Variants in TRPV1 observed in about 807,000 individuals in gnomAD.
TRPV1 encodes the protein OTRPC1.
Under a neutral mutation model 82.3 loss-of-function variants are expected in TRPV1, and 82 were observed. The ratio of observed to expected loss-of-function variants is 1.00; its 90% CI spans 0.83 to 1.20. The LOEUF (loss-of-function observed/expected upper bound fraction) is 1.20, where lower values mean the gene tolerates loss of function less well. Among genes scored for constraint, TRPV1 ranks in the 50% most tolerant of loss-of-function variants. The pLI is 0.00. For synonymous variants in TRPV1, 515 were observed against 467.7 expected, an observed-to-expected ratio of 1.10 and a Z score of -1.30; for missense variants, 1,067 against 1,096.8, an observed-to-expected ratio of 0.97 and a Z score of 0.38.
chr17:3,568,526 A>T (rs936412969), intron 16 of TRPV1, among the ~76,000 whole-genome samples: 2 of 152,122 alleles, frequency 1.3e-5, no homozygotes, highest in Non-Finnish European at 2.9e-5. Flanking sequence ...AAACCAATGG[A>T]ACCCTCGAGC....
intron 10 of TRPV1, among the ~76,000 whole-genome samples, chr17:3,582,115 A>G (rs224530): frequency 0.27 from 36,747 of 138,370 alleles, 5,217 homozygotes; most frequent in Non-Finnish European, 0.32. Context: ...GCGTGAACCC[A>G]GGAGGCGGAG....
At chr17:3,605,442 T>C (rs1329509065) in intron 2 of TRPV1, among the ~76,000 whole-genome samples, 1 of 151,566 alleles carries the variant, frequency 6.6e-6, no homozygotes, top group African/African-American at 2.4e-5. Context: ...CCCGGGAGGC[T>C]GAGGTTGTAG....
rs1271310941 is a variant in TRPV1, at chr17:3,588,252, C to A, written c.1160G>T (p.Cys387Phe). The A allele has an allele frequency of 1.3e-6, 2 of 1,582,542 alleles. No individual in the cohort carries two copies. The highest frequency in any genetic ancestry group is 1.7e-6 in the Non-Finnish European group (2 of 1,165,014). ...PVHSSLYDLS[C>F]IDTCEKNSVL... ...CGAGTTCTTCTCGCAGGTGTCGATG[C>A]AGGACAGGTCGTACAGCGAGGAGTG... Residue 387 changes from cysteine to phenylalanine, a missense_variant, in exon 8 of 17, where the codon TGC becomes TTC. Coordinates refer to ENST00000572705, the MANE Select transcript of TRPV1 (RefSeq NM_080704.4).
At chr17:3,592,013 C>T in intron 3 of TRPV1, 54 bp downstream of exon 3, 1 of 1,577,428 alleles carries the variant, frequency 6.3e-7, no homozygotes, top group Middle Eastern at 2.1e-4. Flanking sequence ...CCTGTGGCAT[C>T]TCCATGGCCA....
In TRPV1 at chr17:3,572,234, G is replaced by A; in HGVS notation, c.2119C>T (p.Leu707=). Residue 707 remains leucine (L), a synonymous_variant, in exon 15 of 17, where the codon CTG becomes TTG. Coordinates refer to ENST00000572705, the MANE Select transcript of TRPV1 (RefSeq NM_080704.4). ...TTAAGGAAGCTCTTCTCCGTGTCCA[G>A]GATGGTGATGGCTCTCTGCAGGAAG... ...IWKLQRAITI[L]DTEKSFLKCM... 1.2e-6 allele frequency: 2 copies of A among 1,609,370 alleles called. No homozygotes were observed. The highest frequency in any genetic ancestry group is 1.7e-6 in the Non-Finnish European group (2 of 1,177,974).
chr17:3,581,406 C>T (rs1279436808), intron 10 of TRPV1, among the ~76,000 whole-genome samples: 2 of 152,198 alleles, frequency 1.3e-5, no homozygotes, highest in East Asian at 3.8e-4. Flanking sequence ...GCCAATCCTG[C>T]TTTTGCCATT....
Position 3,591,136 on chromosome 17 carries a change from G to A in TRPV1, c.452-20C>T, listed in dbSNP as rs1169791936. 42 of 1,610,728 alleles carry A rather than the reference G, an allele frequency of 2.6e-5. No individual in the cohort carries two copies. Among genetic ancestry groups the A allele is most frequent in the Non-Finnish European group, 3.5e-5 (41 of 1,178,678 alleles). On this transcript the variant is annotated intron_variant, in intron 4 of 16. Coordinates refer to ENST00000572705, the MANE Select transcript of TRPV1 (RefSeq NM_080704.4). ...CAGGGTCTGAAAGACATAAGGGAGG[G>A]TCAGGGCAGGCCAGGGCTGGGGCCC...
chr17:3,596,346 G>A (rs571709521), intron 2 of TRPV1, among the ~76,000 whole-genome samples: 48 of 152,274 alleles, frequency 3.2e-4, no homozygotes, highest in Admixed American at 1.2e-3. Context: ...CCTCCCGCTC[G>A]CCACTGGGGA....
chr17:3,574,594 C>T (rs377101436), intron 13 of TRPV1, among the ~76,000 whole-genome samples: 2 of 152,288 alleles, frequency 1.3e-5, no homozygotes, highest in Non-Finnish European at 2.9e-5. Flanking sequence ...GGAGGGTGCA[C>T]CATGTGAACC....
At chr17:3,593,745 C>T (rs893348567) in intron 2 of TRPV1, among the ~76,000 whole-genome samples, 2 of 152,160 alleles carry the variant, frequency 1.3e-5, no homozygotes, top group Admixed American at 1.3e-4. Context: ...TGTGGTCCAG[C>T]AATTGCTATC....
At position 3,599,632 on chromosome 17, in the gene TRPV1, C is replaced by CTTTTTTT. The variant is rs34701684; in HGVS notation, c.-33-7256_-33-7250dup. On this transcript the variant is annotated intron_variant, in intron 2 of 16. Transcript: ENST00000572705. Reference sequence around the variant, plus strand: ...TAAGAGAATTTCCTTTTTTTCTTTTCTTTTTTTTTTTTTCGAGATGAAGTC... The same window carrying CTTTTTTT: ...TAAGAGAATTTCCTTTTTTTCTTTTCTTTTTTTTTTTTTTTTTTTTCGAGATGAAGTC... Among the ~76,000 whole-genome samples, 115 of 141,550 alleles carry CTTTTTTT rather than the reference C, an allele frequency of 8.1e-4. 5 individuals are homozygous for CTTTTTTT. The East Asian group carries it at 0.018, about 22-fold the overall frequency. The allele number at this position is 141,550 out of a possible 152,430, so 92.9% of individuals were successfully genotyped here. A position where few individuals can be genotyped will look rare whatever the true frequency, so the allele number is the denominator to read the frequency against.
intron 2 of TRPV1, among the ~76,000 whole-genome samples, chr17:3,593,083 T>A (rs112383946): frequency 8.0e-4 from 1 of 1,252 alleles, no homozygotes; most frequent in Non-Finnish European, 2.1e-3. Flanking sequence ...TGTTTAGGCG[T>A]GTGTGTGTGT....
At chr17:3,585,589 G>A in intron 9 of TRPV1, 179 bp downstream of exon 9, 1 of 726,504 alleles carries the variant, frequency 1.4e-6, no homozygotes, top group Non-Finnish European at 2.2e-6. Flanking sequence ...ACAGCCTGAG[G>A]CAGGGGAGAT....
At chr17:3,594,151 A>AAAAAAAAAAAAAGC (rs2075195495) in intron 2 of TRPV1, among the ~76,000 whole-genome samples, 1 of 104,400 alleles carries the variant, frequency 9.6e-6, no homozygotes, top group African/African-American at 4.0e-5. Flanking sequence ...AAAAAAAAAA[A>AAAAAAAAAAAAAGC]AGAAGCAGCA....
At chr17:3,607,827 A>C (rs1370817439) in intron 2 of TRPV1, among the ~76,000 whole-genome samples, 1 of 151,968 alleles carries the variant, frequency 6.6e-6, no homozygotes, top group Admixed American at 6.6e-5. Flanking sequence ...GTGAGCCCCC[A>C]CACCCAGCCA....
Position 3,568,191 on chromosome 17 carries a change from G to A in TRPV1, c.2348-1204C>T, listed in dbSNP as rs566354269. Among the ~76,000 whole-genome samples, 38 of 151,638 alleles carry A rather than the reference G, an allele frequency of 2.5e-4. No individual in the cohort carries two copies. In the South Asian group the frequency reaches 3.5e-3, roughly 14 times the overall value. On this transcript the variant is annotated intron_variant, in intron 16 of 16. Coordinates refer to ENST00000572705, the MANE Select transcript of TRPV1 (RefSeq NM_080704.4). ...CAAAAAATTAGCCGGGCGTAGTGGCGGGCGCCTGTAGTCCCAGCTACTCGG... is the reference window on the plus strand; with the variant it reads ...CAAAAAATTAGCCGGGCGTAGTGGCAGGCGCCTGTAGTCCCAGCTACTCGG...
At chr17:3,594,954 C>T (rs1454025594) in intron 2 of TRPV1, among the ~76,000 whole-genome samples, 4 of 152,068 alleles carry the variant, frequency 2.6e-5, no homozygotes, top group African/African-American at 9.7e-5. Context: ...GACAGGAGGC[C>T]GGGTTAGAAC....
chr17:3,601,287 C>A (rs1199651294), intron 2 of TRPV1, among the ~76,000 whole-genome samples: 1 of 152,066 alleles, frequency 6.6e-6, no homozygotes, highest in Non-Finnish European at 1.5e-5. Context: ...CTCCCACAAC[C>A]CCTCACCTCC....
Position 3,572,139 on chromosome 17 carries a change from G to A in TRPV1, c.2214C>T (p.Asp738=). The A allele has an allele frequency of 6.2e-7, 1 of 1,613,588 alleles. No individual in the cohort carries two copies. The highest frequency in any genetic ancestry group is 8.5e-7 in the Non-Finnish European group (1 of 1,179,660). The change falls in exon 15 of 17, where the codon GAC becomes GAT. Residue 738 remains aspartate (D), a synonymous_variant. Transcript: ENST00000572705. ...GGCATTACCTGAAGCACCACCGGTA[G>A]TCGTCCTTGCCATCAGGTGTGTACC... ...QVGYTPDGKD[D]YRWCFRVDEV...
Sources: allele counts gnomAD v4.1 joint callset (sites outside exome capture counted in the v4.1 genomes callset), GRCh38; gene constraint gnomAD v4.1.1; transcripts MANE v1.5; gene names NCBI Gene and HGNC (gene_info 2026-07-23, HGNC 2026-07-21).